Variants in LRP1B observed in about 807,000 individuals in gnomAD.
LRP1B encodes LDL receptor related protein 1B, also known as low-density lipoprotein receptor-related protein 1B.
A neutral mutation model predicts 556.6 loss-of-function variants in LRP1B; 217 were observed. The observed-to-expected ratio is 0.39, with a 90% CI of 0.35 to 0.44. The LOEUF is 0.44. Among genes scored for constraint, LRP1B ranks in the 20% least tolerant of loss-of-function variants. LRP1B has a pLI of 1.00. For missense variants in LRP1B, 5,053 were observed against 5,620.8 expected, an observed-to-expected ratio of 0.90 and a Z score of 3.23; for synonymous variants, 2,047 against 1,865.8, an observed-to-expected ratio of 1.10 and a Z score of -2.50.
intron 57 of LRP1B, among the ~76,000 whole-genome samples, chr2:140,488,981 GA>G (rs935934516): frequency 1.3e-5 from 2 of 151,926 alleles, no homozygotes; most frequent in African/African-American, 4.8e-5. Flanking sequence ...AGAATCTGAT[GA>G]TAATAATAAA....
chr2:140,577,110 A>G (rs1289998632), intron 43 of LRP1B, among the ~76,000 whole-genome samples: 1 of 152,150 alleles, frequency 6.6e-6, no homozygotes, highest in Non-Finnish European at 1.5e-5. Context: ...TCTGTTACCA[A>G]TAAAGATTTG....
intron 2 of LRP1B, among the ~76,000 whole-genome samples, chr2:141,604,708 A>C (rs1687854838): frequency 6.6e-6 from 1 of 152,064 alleles, no homozygotes; most frequent in African/African-American, 2.4e-5. Flanking sequence ...ACACTCCCCT[A>C]TTCTGAGCCC....
intron 2 of LRP1B, among the ~76,000 whole-genome samples, chr2:141,724,929 T>C (rs921616726): frequency 1.3e-5 from 2 of 152,016 alleles, no homozygotes; most frequent in East Asian, 1.9e-4. Context: ...AATTTTAAAT[T>C]AATTATATTT....
intron 84 of LRP1B, among the ~76,000 whole-genome samples, chr2:140,289,402 C>T (rs904940681): frequency 1.3e-5 from 2 of 151,842 alleles, no homozygotes. Context: ...ACTGATAAAT[C>T]CCCAATGCCT....
At chr2:141,153,860 T>TA (rs1702000465) in intron 7 of LRP1B, among the ~76,000 whole-genome samples, 1 of 151,164 alleles carries the variant, frequency 6.6e-6, no homozygotes, top group Admixed American at 6.6e-5. Context: ...AATAAGGAAG[T>TA]AAAAAGAACC....
At chr2:140,467,053 T>C (rs142532685) in intron 60 of LRP1B, among the ~76,000 whole-genome samples, 2,336 of 152,322 alleles carry the variant, frequency 0.015, 60 homozygotes, top group African/African-American at 0.051. Flanking sequence ...AAGGTATATA[T>C]GCAATGTTAT....
chr2:140,602,356 A>G (rs886669925), intron 41 of LRP1B, among the ~76,000 whole-genome samples: 5 of 152,086 alleles, frequency 3.3e-5, no homozygotes, highest in African/African-American at 1.2e-4. Flanking sequence ...TTGTATTCCC[A>G]ATCTCTAGGG....
intron 2 of LRP1B, among the ~76,000 whole-genome samples, chr2:141,708,188 C>T (rs547735183): frequency 6.6e-6 from 1 of 151,836 alleles, no homozygotes; most frequent in East Asian, 1.9e-4. Context: ...AACAAACCTG[C>T]ACGTCCGCAC....
intron 66 of LRP1B, among the ~76,000 whole-genome samples, chr2:140,410,730 A>C (rs1311183167): frequency 6.6e-6 from 1 of 152,170 alleles, no homozygotes. Context: ...CAAGGTATAA[A>C]TGCATTACTA....
At chr2:140,509,079 CACAA>C (rs146443359) in intron 52 of LRP1B, among the ~76,000 whole-genome samples, 17 of 54,890 alleles carry the variant, frequency 3.1e-4, no homozygotes, top group African/African-American at 8.3e-4. Context: ...CACACACACA[CACAA>C]ACACACACAC....
At chr2:141,704,446 G>A (rs1032058691) in intron 2 of LRP1B, among the ~76,000 whole-genome samples, 1 of 151,702 alleles carries the variant, frequency 6.6e-6, no homozygotes, top group Non-Finnish European at 1.5e-5. Context: ...TTTATTCAAC[G>A]TAACATATAA....
At chr2:142,066,844 T>C (rs1457625219) in intron 1 of LRP1B, among the ~76,000 whole-genome samples, 1 of 151,562 alleles carries the variant, frequency 6.6e-6, no homozygotes, top group Non-Finnish European at 1.5e-5. Context: ...CTATTTCTGC[T>C]GTTAACAAAG....
intron 7 of LRP1B, among the ~76,000 whole-genome samples, chr2:141,063,527 C>A (rs1699396320): frequency 6.6e-6 from 1 of 151,748 alleles, no homozygotes; most frequent in Admixed American, 6.6e-5. Context: ...AGGTGAAGAT[C>A]TTTCTAGTCT....
At chr2:141,283,708 GCCTCAGCCT>G (rs148547387) in intron 3 of LRP1B, among the ~76,000 whole-genome samples, 15,118 of 145,022 alleles carry the variant, frequency 0.1, 908 homozygotes, top group East Asian at 0.16. Context: ...TGATTCTCCT[GCCTCAGCCT>G]CCAGACTAGC....
At chr2:140,446,515 G>A (rs1392399812) in intron 63 of LRP1B, among the ~76,000 whole-genome samples, 2 of 152,002 alleles carry the variant, frequency 1.3e-5, no homozygotes. Context: ...TTGTCTGCAG[G>A]TATTGATGAT....
intron 7 of LRP1B, among the ~76,000 whole-genome samples, chr2:141,140,883 T>A (rs1009117612): frequency 2.6e-5 from 4 of 152,034 alleles, no homozygotes; most frequent in Non-Finnish European, 4.4e-5. Flanking sequence ...TAATTATAAA[T>A]AAGCACTTAT....
chr2:141,428,631 C>T (rs150256164), intron 3 of LRP1B, among the ~76,000 whole-genome samples: 2 of 152,194 alleles, frequency 1.3e-5, no homozygotes, highest in Non-Finnish European at 2.9e-5. Context: ...AGCTTAGGTC[C>T]TGAGATGCTT....
chr2:140,282,461 T>C (rs1281422018), intron 84 of LRP1B, among the ~76,000 whole-genome samples: 1 of 151,834 alleles, frequency 6.6e-6, no homozygotes, highest in Non-Finnish European at 1.5e-5. Context: ...GGATAAACTC[T>C]TATTTTTCAT....
At chr2:140,893,813 A>T (rs1693869334) in intron 23 of LRP1B, among the ~76,000 whole-genome samples, 1 of 152,158 alleles carries the variant, frequency 6.6e-6, no homozygotes, top group African/African-American at 2.4e-5. Flanking sequence ...AGATGACTAA[A>T]TGAAGCGACA....
Sources: gnomAD v4.1 joint callset for allele counts (sites outside exome capture counted in the v4.1 genomes callset) on GRCh38, gnomAD v4.1.1 for gene constraint, MANE v1.5 for transcripts, NCBI Gene and HGNC (gene_info 2026-07-23, HGNC 2026-07-21) for gene names.